Variants in SPAG16 observed in about 807,000 individuals in gnomAD.
The protein encoded by SPAG16 is sperm-associated antigen 16 protein.
Under a neutral mutation model 80.4 loss-of-function variants are expected in SPAG16, and 86 were observed. That is an observed-to-expected ratio of 1.07 (90% CI 0.90 to 1.28). The LOEUF is 1.28. Among genes scored for constraint, SPAG16 ranks in the 50% most tolerant of loss-of-function variants. SPAG16 has a pLI of 0.00. For synonymous variants in SPAG16, 294 were observed against 265.9 expected (o/e 1.11, Z -1.03); for missense variants, 870 against 765.3 (o/e 1.14, Z -1.61).
At chr2:213,750,566 G>A (rs1354413616) in intron 10 of SPAG16, among the ~76,000 whole-genome samples, 5 of 152,004 alleles carry the variant, frequency 3.3e-5, no homozygotes, top group African/African-American at 9.7e-5. Context: ...AATTCCAATC[G>A]ATTAAAAATT....
intron 10 of SPAG16, among the ~76,000 whole-genome samples, chr2:213,525,284 CTTTTT>C (rs71060436): frequency 6.0e-5 from 6 of 100,336 alleles, no homozygotes; most frequent in Admixed American, 2.3e-4. Context: ...TTTTCCTTTT[CTTTTT>C]TTTTTTTTTT....
chr2:213,903,830 C>T (rs1471372758), intron 11 of SPAG16, among the ~76,000 whole-genome samples: 1 of 152,152 alleles, frequency 6.6e-6, no homozygotes, highest in Non-Finnish European at 1.5e-5. Flanking sequence ...CTGAATGTTT[C>T]GCTGCTTAGA....
chr2:214,159,183 T>G (rs528646495), intron 15 of SPAG16, among the ~76,000 whole-genome samples: 1 of 152,008 alleles, frequency 6.6e-6, no homozygotes, highest in Admixed American at 6.6e-5. Flanking sequence ...GATGACATTC[T>G]TCATACATAC....
chr2:213,905,629 A>C (rs2077399743), intron 11 of SPAG16, among the ~76,000 whole-genome samples: 1 of 152,212 alleles, frequency 6.6e-6, no homozygotes, highest in Admixed American at 6.5e-5. Context: ...CAAATTTAAA[A>C]ATTTCCTGCC....
At chr2:213,549,810 A>G (rs2076730145) in intron 10 of SPAG16, among the ~76,000 whole-genome samples, 1 of 152,188 alleles carries the variant, frequency 6.6e-6, no homozygotes, top group Non-Finnish European at 1.5e-5. Context: ...AGGCATTTTA[A>G]TTGTATGTAT....
chr2:214,402,530 G>A (rs968903794), intron 15 of SPAG16, among the ~76,000 whole-genome samples: 1 of 151,422 alleles, frequency 6.6e-6, no homozygotes, highest in African/African-American at 2.4e-5. Context: ...TATATTCACT[G>A]TATTCAAAAA....
intron 10 of SPAG16, among the ~76,000 whole-genome samples, chr2:213,702,315 C>A (rs148614644): frequency 2.0e-5 from 3 of 152,232 alleles, no homozygotes; most frequent in Admixed American, 6.5e-5. Flanking sequence ...TGCGGCAACC[C>A]GCTTGGGTCT....
intron 12 of SPAG16, among the ~76,000 whole-genome samples, chr2:213,941,118 G>T (rs181684194): frequency 2.1e-4 from 32 of 152,140 alleles, no homozygotes; most frequent in Non-Finnish European, 4.0e-4. Context: ...TCTAGATATT[G>T]TTCATATATC....
At chr2:214,252,600 C>T (rs1690375321) in intron 15 of SPAG16, among the ~76,000 whole-genome samples, 1 of 152,102 alleles carries the variant, frequency 6.6e-6, no homozygotes, top group African/African-American at 2.4e-5. Context: ...CCAGCTTCAT[C>T]CATGTCCCTG....
chr2:214,385,625 CAT>C, intron 15 of SPAG16, among the ~76,000 whole-genome samples: 1 of 152,328 alleles, frequency 6.6e-6, no homozygotes, highest in Admixed American at 6.5e-5. Context: ...AGGTGGATCA[CAT>C]GACGTCAGGA....
At chr2:213,556,304 A>T (rs1430185557) in intron 10 of SPAG16, among the ~76,000 whole-genome samples, 18 of 133,742 alleles carry the variant, frequency 1.3e-4, no homozygotes, top group African/African-American at 4.3e-4. Context: ...GGTCAAAAAA[A>T]AAAAAACCAA....
At chr2:214,248,413 G>T (rs981635099) in intron 15 of SPAG16, among the ~76,000 whole-genome samples, 1 of 151,528 alleles carries the variant, frequency 6.6e-6, no homozygotes, top group Non-Finnish European at 1.5e-5. Flanking sequence ...CACTCCCCAG[G>T]TTCAGGCAAT....
chr2:213,407,641 C>CAGAGAGGAGACAG (rs146880531), intron 9 of SPAG16, among the ~76,000 whole-genome samples: 1 of 35,270 alleles, frequency 2.8e-5, no homozygotes, highest in Non-Finnish European at 7.1e-5. Flanking sequence ...GAGAGAGAGA[C>CAGAGAGGAGACAG]AGACAGACAG....
At chr2:214,162,770 C>A (rs957348217) in intron 15 of SPAG16, among the ~76,000 whole-genome samples, 12 of 152,038 alleles carry the variant, frequency 7.9e-5, no homozygotes, top group African/African-American at 2.9e-4. Context: ...CTTTGTACTT[C>A]TTTTTAAAAA....
chr2:213,952,056 C>T (rs1422291338), intron 12 of SPAG16, among the ~76,000 whole-genome samples: 1 of 152,026 alleles, frequency 6.6e-6, no homozygotes, highest in Non-Finnish European at 1.5e-5. Context: ...TATGGACAAT[C>T]ACTGAGGGAT....
chr2:214,401,860 G>A (rs143938074), intron 15 of SPAG16, among the ~76,000 whole-genome samples: 84 of 152,014 alleles, frequency 5.5e-4, no homozygotes, highest in African/African-American at 1.9e-3. Context: ...GCTAGTGTAT[G>A]TGTTACGTGT....
At chr2:213,298,062 G>C (rs947947298) in intron 3 of SPAG16, among the ~76,000 whole-genome samples, 1 of 152,128 alleles carries the variant, frequency 6.6e-6, no homozygotes, top group African/African-American at 2.4e-5. Flanking sequence ...TTGTATGTGA[G>C]ACTTTACTGC....
At chr2:214,062,026 G>A (rs1038486119) in intron 13 of SPAG16, among the ~76,000 whole-genome samples, 4 of 92,684 alleles carry the variant, frequency 4.3e-5, no homozygotes, top group Non-Finnish European at 1.1e-4. Context: ...CACACGCAGT[G>A]TGTAGTATTC....
chr2:214,321,722 GT>G (rs2125994901), intron 15 of SPAG16, among the ~76,000 whole-genome samples: 1 of 152,258 alleles, frequency 6.6e-6, no homozygotes, highest in African/African-American at 2.4e-5. Context: ...ACTATAATTT[GT>G]GCTTATTAGA....
Sources: allele counts gnomAD v4.1 joint callset (sites outside exome capture counted in the v4.1 genomes callset), GRCh38; gene constraint gnomAD v4.1.1; transcripts MANE v1.5; gene names NCBI Gene and HGNC (gene_info 2026-07-23, HGNC 2026-07-21).